TRAPPC11: variants seen among roughly 807,000 people sequenced by gnomAD.
The protein encoded by TRAPPC11 is foie gras homolog.
In TRAPPC11, 104 loss-of-function variants were observed where a neutral mutation model predicts 151.2. The observed-to-expected ratio is 0.69, with a 90% confidence interval of 0.59 to 0.81. The LOEUF (loss-of-function observed/expected upper bound fraction) is 0.81. Ranked by LOEUF, TRAPPC11 falls within the 30% of genes least tolerant of loss-of-function variation. The probability of loss-of-function intolerance (pLI) is 0.00; values close to 1 mark genes in which losing one functional copy is unlikely to be tolerated. For missense variants in TRAPPC11, 1,230 were observed against 1,349.6 expected, an observed-to-expected ratio of 0.91 and a Z score of 1.39; for synonymous variants, 456 against 472.3, an observed-to-expected ratio of 0.97 and a Z score of 0.45.
chr4:183,686,420 A>G (rs895728794), intron 17 of TRAPPC11, among the ~76,000 whole-genome samples, 198 bp from the exon 18 acceptor site: 3 of 152,232 alleles, frequency 2.0e-5, no homozygotes, highest in Non-Finnish European at 4.4e-5. Context: ...TACAGGCGTG[A>G]GCCACTGTGC....
At chr4:183,711,326 C>A (rs558124147) in intron 29 of TRAPPC11, among the ~76,000 whole-genome samples, 1 of 152,184 alleles carries the variant, frequency 6.6e-6, no homozygotes, top group African/African-American at 2.4e-5. Flanking sequence ...AGTGCTCAAT[C>A]GCTAAATGTG....
rs1180059894 is a variant in TRAPPC11 at position 183,701,474 on chromosome 4, C to A, written c.2852-223C>A. ...GGACTTTCTTGCAGATATACAGATG[C>A]CTCATTGGATTTTACTGTGATGGAA... On this transcript the variant is annotated intron_variant, in intron 25 of 29. Coordinates refer to ENST00000334690, the MANE Select transcript of TRAPPC11 (RefSeq NM_021942.6). 5 of 456,344 alleles carry A rather than the reference C, an allele frequency of 1.1e-5. No homozygotes were observed. In the East Asian group the frequency reaches 1.4e-4, roughly 13 times the overall value. 28.3% of individuals were successfully genotyped at this position (456,344 alleles called of 1,614,324 possible).
At position 183,665,091 on chromosome 4, in the gene TRAPPC11, C is replaced by CTTTTTTT. The variant is rs66913932; in HGVS notation, c.204+1035_204+1041dup. Among the ~76,000 whole-genome samples the CTTTTTTT allele has an allele frequency of 1.7e-4, 18 of 106,448 alleles. 1 individual carries two copies. The highest frequency in any genetic ancestry group is 3.3e-4 in the African/African-American group (9 of 27,386). The allele number at this position is 106,448 out of a possible 152,430, so 69.8% of individuals were successfully genotyped here. On this transcript the variant is annotated intron_variant, in intron 2 of 29. Coordinates refer to ENST00000334690, the MANE Select transcript of TRAPPC11 (RefSeq NM_021942.6). ...TCACACGATTATTTTTCTTTTCTTT[C>CTTTTTTT]TTTTTTTTTTTTTTTTTTTTTGAGA...
At position 183,661,379 on chromosome 4, in the gene TRAPPC11, T is replaced by G. The variant is rs905109911; in HGVS notation, c.-22+1932T>G. 3.9e-3 allele frequency among the ~76,000 whole-genome samples: 546 copies of G among 139,178 alleles called. 1 individual carries two copies. The highest frequency in any genetic ancestry group is 0.017 in the South Asian group (74 of 4,298). The allele number at this position is 139,178 out of a possible 152,430, so 91.3% of individuals were successfully genotyped here. A position where few individuals can be genotyped will look rare whatever the true frequency, so the allele number is the denominator to read the frequency against. ...AGATTACCTTTTTTTTTTTTTTTTTTTTTTTTTGAGACGGAGTCTCCTCGC... is the reference window on the plus strand; with the variant it reads ...AGATTACCTTTTTTTTTTTTTTTTTGTTTTTTTGAGACGGAGTCTCCTCGC... On this transcript the variant is annotated intron_variant, in intron 1 of 29. Coordinates refer to ENST00000334690, the MANE Select transcript of TRAPPC11 (RefSeq NM_021942.6).
chr4:183,685,089 A>G lies in TRAPPC11; in HGVS notation c.1573A>G (p.Thr525Ala). 1 of 1,613,710 alleles carries G rather than the reference A, an allele frequency of 6.2e-7. No individual in the cohort carries two copies. Among genetic ancestry groups the G allele is most frequent in the Non-Finnish European group, 8.5e-7 (1 of 1,179,832 alleles). The change falls in exon 16 of 30, where the codon ACT (threonine) becomes GCT (alanine). Residue 525 changes from threonine to alanine, a missense_variant. Thr to Ala is a moderately conservative substitution (Grantham distance 58). Transcript: ENST00000334690. ...TCCTTCTTTCTTCATACTAGCTTCAACTCTGAAAGATGACCAGAAGTCTCG... is the reference window on the plus strand; with the variant it reads ...TCCTTCTTTCTTCATACTAGCTTCAGCTCTGAAAGATGACCAGAAGTCTCG... ...YSLELLGRAS[T>A]LKDDQKSRIE... is the part of the protein sequence containing the mutation.
intron 17 of TRAPPC11, among the ~76,000 whole-genome samples, 179 bp from the exon 18 acceptor site, chr4:183,686,439 A>T (rs1046430847): frequency 1.3e-5 from 2 of 152,262 alleles, no homozygotes; most frequent in East Asian, 1.9e-4. Flanking sequence ...GCTCAGCCTA[A>T]ATTTTATTTT....
chr4:183,697,184 C>T (rs1253072818), intron 23 of TRAPPC11, among the ~76,000 whole-genome samples: 2 of 151,892 alleles, frequency 1.3e-5, no homozygotes, highest in African/African-American at 2.4e-5. Flanking sequence ...GGTAGCCGGG[C>T]GTGGTAGTGT....
intron 2 of TRAPPC11, among the ~76,000 whole-genome samples, chr4:183,664,306 G>A (rs1425778673): frequency 6.6e-6 from 1 of 151,932 alleles, no homozygotes; most frequent in Non-Finnish European, 1.5e-5. Flanking sequence ...ATGAGCCCAG[G>A]TTTTCCCTTT....
Position 183,694,633 on chromosome 4 carries a change from A to G in TRAPPC11, c.2538A>G (p.Gly846=). The G allele has an allele frequency of 6.2e-7, 1 of 1,613,152 alleles. No individual in the cohort carries two copies. Among genetic ancestry groups the G allele is most frequent in the Non-Finnish European group, 8.5e-7 (1 of 1,179,570 alleles). Residue 846 remains glycine (G), a synonymous_variant, in exon 23 of 30, where the codon GGA becomes GGG. Transcript: ENST00000334690. ...QLEKMLYVRC[G]TVGSRMFLVY... is the part of the protein sequence containing the mutation. ...AAAAAATGTTGTATGTTCGCTGTGG[A>G]ACAGTGGGTTCCAGAATGTTTCTTG... is the stretch of plus-strand genomic sequence containing the variant.
intron 26 of TRAPPC11, among the ~76,000 whole-genome samples, chr4:183,704,002 A>C (rs1053214844): frequency 7.2e-5 from 11 of 152,186 alleles, no homozygotes; most frequent in Non-Finnish European, 2.9e-5. Context: ...GAGTTAAGGA[A>C]TTTATGTCAT....
chr4:183,694,631 G>A lies in TRAPPC11; in HGVS notation c.2536G>A (p.Gly846Arg), dbSNP rs1736435626. The change falls in exon 23 of 30, where the codon GGA becomes AGA. Residue 846 changes from glycine to arginine, a missense_variant. Transcript: ENST00000334690. Reference sequence around the variant, plus strand: ...GGAAAAAATGTTGTATGTTCGCTGTGGAACAGTGGGTTCCAGAATGTTTCT... The same window carrying A: ...GGAAAAAATGTTGTATGTTCGCTGTAGAACAGTGGGTTCCAGAATGTTTCT... ...QLEKMLYVRC[G>R]TVGSRMFLVY... is the part of the protein sequence containing the mutation. 6.2e-7 allele frequency: 1 copy of A among 1,612,740 alleles called. No individual in the cohort carries two copies. Among genetic ancestry groups the A allele is most frequent in the African/African-American group, 1.3e-5 (1 of 74,854 alleles).
rs550986398 is a variant in TRAPPC11 at position 183,680,962 on chromosome 4, G to A, written c.1113+695G>A. On this transcript the variant is annotated intron_variant, in intron 10 of 29. Coordinates refer to ENST00000334690, the MANE Select transcript of TRAPPC11 (RefSeq NM_021942.6). ...CCCGCCTTGGCCTTCCAAAGTGCTG[G>A]AATTACAGGCGTGAGCCACCGCGCC... Among the ~76,000 whole-genome samples, 9 of 152,072 alleles carry A rather than the reference G, an allele frequency of 5.9e-5. 1 individual carries two copies. The South Asian group carries it at 1.9e-3, about 32-fold the overall frequency.
At chr4:183,680,326 A>G (rs1735613306) in intron 10 of TRAPPC11, 59 bp downstream of exon 10, 2 of 1,509,518 alleles carry the variant, frequency 1.3e-6, no homozygotes, top group East Asian at 4.7e-5. Context: ...TTTTGAAAGA[A>G]GCTAGAACTG....
chr4:183,703,066 G>C (rs1459958234), intron 26 of TRAPPC11, among the ~76,000 whole-genome samples: 1 of 152,190 alleles, frequency 6.6e-6, no homozygotes, highest in Non-Finnish European at 1.5e-5. Flanking sequence ...TACATGGTAT[G>C]ACTTATTGTT....
At chr4:183,709,093 G>T (rs1249149794) in intron 29 of TRAPPC11, among the ~76,000 whole-genome samples, 6 of 152,026 alleles carry the variant, frequency 3.9e-5, no homozygotes, top group Non-Finnish European at 7.4e-5. Flanking sequence ...GGTTAATTTA[G>T]CTCAGCAGCC....
chr4:183,673,153 AG>A (rs1275976772), intron 5 of TRAPPC11, among the ~76,000 whole-genome samples: 1 of 151,792 alleles, frequency 6.6e-6, no homozygotes, highest in East Asian at 1.9e-4. Flanking sequence ...TATTAGAGAC[AG>A]GGTTTCACCG....
chr4:183,667,233 A>G (rs760754747), intron 4 of TRAPPC11, 103 bp downstream of exon 4: 2 of 821,990 alleles, frequency 2.4e-6, no homozygotes, highest in Non-Finnish European at 4.0e-6. Flanking sequence ...GCATTCAGTT[A>G]TGGGGCTGAT....
intron 25 of TRAPPC11, among the ~76,000 whole-genome samples, chr4:183,698,528 A>G (rs1172619310): frequency 1.3e-5 from 2 of 152,192 alleles, no homozygotes; most frequent in Non-Finnish European, 2.9e-5. Flanking sequence ...CAGCCCTACA[A>G]CTTGTTCTTT....
In TRAPPC11 at chr4:183,693,966, A is replaced by G; in HGVS notation, c.2436A>G (p.Thr812=). Reference sequence around the variant, plus strand: ...AGACTCACGTGACTCTTCATGGAACAGAACTGTGTGATGAATCCTACCCGG... The same window carrying G: ...AGACTCACGTGACTCTTCATGGAACGGAACTGTGTGATGAATCCTACCCGG... ...TQKTHVTLHG[T]ELCDESYPAL... is the part of the protein sequence containing the mutation. The change falls in exon 22 of 30, where the codon ACA becomes ACG. Residue 812 remains threonine, a synonymous_variant. Transcript: ENST00000334690. The G allele has an allele frequency of 1.2e-6, 2 of 1,614,128 alleles. No individual in the cohort carries two copies. Among genetic ancestry groups the G allele is most frequent in the Non-Finnish European group, 1.7e-6 (2 of 1,179,970 alleles).
Sources: allele counts gnomAD v4.1 joint callset (sites outside exome capture counted in the v4.1 genomes callset), GRCh38; gene constraint gnomAD v4.1.1; transcripts MANE v1.5; gene names NCBI Gene and HGNC (gene_info 2026-07-23, HGNC 2026-07-21).